SLC24A2: variants seen among roughly 807,000 people sequenced by gnomAD.
SLC24A2 encodes solute carrier family 24 member 2.
SLC24A2 carries 36 observed loss-of-function variants against 62.0 expected under a neutral mutation model. That is an observed-to-expected ratio of 0.58 (90% CI 0.44 to 0.77). The LOEUF (loss-of-function observed/expected upper bound fraction) is 0.77, where lower values mean the gene tolerates loss of function less well. Ranked by LOEUF, SLC24A2 falls within the 30% of genes least tolerant of loss-of-function variation. The probability of loss-of-function intolerance (pLI) is 0.00; values close to 1 mark genes in which losing one functional copy is unlikely to be tolerated. For missense variants in SLC24A2, 846 were observed against 817.9 expected (o/e 1.03, Z -0.42); for synonymous variants, 358 against 294.0 (o/e 1.22, Z -2.23).
the SLC24A2 span, among the ~76,000 whole-genome samples, chr9:19,993,839 T>C: frequency 6.6e-6 from 1 of 152,228 alleles, no homozygotes; most frequent in Non-Finnish European, 1.5e-5. Flanking sequence ...TTGAACTTCA[T>C]GCTAGTGATT....
chr9:19,691,707 A>G (rs1257731104), intron 2 of SLC24A2, among the ~76,000 whole-genome samples: 2 of 152,188 alleles, frequency 1.3e-5, no homozygotes, highest in Admixed American at 6.5e-5. Context: ...GCATATAATC[A>G]TTAAAAATGT....
the SLC24A2 span, among the ~76,000 whole-genome samples, chr9:19,993,425 T>C: frequency 2.6e-5 from 4 of 152,350 alleles, no homozygotes; most frequent in South Asian, 2.1e-4. Context: ...AATGGGCTCA[T>C]GGCTATTTTA....
Position 19,510,870 on chromosome 9 carries a change from AC to A in SLC24A2, c.*5282del, listed in dbSNP as rs1832688665. On this transcript the variant is annotated 3_prime_UTR_variant, in exon 11 of 11. Coordinates refer to ENST00000341998, the MANE Select transcript of SLC24A2 (RefSeq NM_020344.4). ...ATTTTTGCCTCTCGAATGCTGCCTG[AC>A]TTGTGGATTTGCTTGTCCTTTGTAG... 1 of 152,152 alleles carries A rather than the reference AC, an allele frequency of 6.6e-6. No homozygotes were observed. 9.4% of individuals were successfully genotyped at this position (152,152 alleles called of 1,614,324 possible). A position where few individuals can be genotyped will look rare whatever the true frequency, so the allele number is the denominator to read the frequency against.
At chr9:19,559,340 T>C (rs1022011973) in intron 7 of SLC24A2, among the ~76,000 whole-genome samples, 3 of 152,178 alleles carry the variant, frequency 2.0e-5, no homozygotes, top group Admixed American at 6.5e-5. Context: ...TTTAGTGATA[T>C]CAATAATTTC....
At chr9:19,737,711 G>A (rs58029686) in intron 2 of SLC24A2, among the ~76,000 whole-genome samples, 24 of 151,862 alleles carry the variant, frequency 1.6e-4, no homozygotes, top group East Asian at 1.5e-3. Flanking sequence ...AACATTATAC[G>A]TTAAAATTAA....
chr9:20,187,536 C>G, the SLC24A2 span, among the ~76,000 whole-genome samples: 35 of 152,270 alleles, frequency 2.3e-4, no homozygotes, highest in African/African-American at 7.7e-4. Flanking sequence ...TGCAGTCATG[C>G]TTCAATTCTT....
chr9:19,567,690 C>CA (rs113815958), intron 7 of SLC24A2, among the ~76,000 whole-genome samples: 6,942 of 142,440 alleles, frequency 0.049, 256 homozygotes, highest in East Asian at 0.22. Context: ...TTAAAATAAC[C>CA]AAAAAAAAAA....
At chr9:20,202,050 G>GGTGTGTGTGTGTGTGTGTGT in the SLC24A2 span, among the ~76,000 whole-genome samples, 7 of 141,680 alleles carry the variant, frequency 4.9e-5, no homozygotes, top group East Asian at 2.1e-4. Context: ...CCCATTTCAT[G>GGTGTGTGTGTGTGTGTGTGT]GTGTGTGTGT....
At chr9:19,889,870 G>A in the SLC24A2 span, among the ~76,000 whole-genome samples, 4 of 152,078 alleles carry the variant, frequency 2.6e-5, no homozygotes, top group South Asian at 6.2e-4. Flanking sequence ...CATCAATACC[G>A]GTTTTGAAAT....
the SLC24A2 span, among the ~76,000 whole-genome samples, chr9:20,019,265 A>AAGAC: frequency 8.7e-6 from 1 of 114,736 alleles, no homozygotes; most frequent in South Asian, 3.3e-4. Context: ...GAAAGAAAGA[A>AAGAC]AGAAAGAAAG....
At chr9:19,889,910 A>C in the SLC24A2 span, among the ~76,000 whole-genome samples, 1 of 152,196 alleles carries the variant, frequency 6.6e-6, no homozygotes, top group Non-Finnish European at 1.5e-5. Flanking sequence ...CTTTCTACCG[A>C]CTATCTCTTA....
the SLC24A2 span, among the ~76,000 whole-genome samples, chr9:19,857,456 C>T: frequency 3.3e-5 from 5 of 152,194 alleles, no homozygotes; most frequent in African/African-American, 1.2e-4. Context: ...GGCCATTATT[C>T]AGTCTATCAC....
intron 4 of SLC24A2, among the ~76,000 whole-genome samples, chr9:19,602,278 T>C (rs1361648764): frequency 2.0e-5 from 3 of 152,222 alleles, no homozygotes; most frequent in African/African-American, 4.8e-5. Context: ...CTCATACATA[T>C]AGAACCCATC....
the SLC24A2 span, among the ~76,000 whole-genome samples, chr9:20,208,258 T>C: frequency 1.2e-4 from 18 of 152,094 alleles, no homozygotes; most frequent in Non-Finnish European, 7.4e-5. Context: ...GGTAGAAGTC[T>C]TCACAGGAAA....
intron 7 of SLC24A2, among the ~76,000 whole-genome samples, chr9:19,553,961 C>A (rs190120415): frequency 1.1e-3 from 167 of 152,268 alleles, no homozygotes; most frequent in South Asian, 6.4e-3. Flanking sequence ...CCTTCTCCCC[C>A]ACCCAAATTC....
At chr9:19,636,315 T>TTTTCTTTTCTTTTCTTTTCTTTTC in intron 2 of SLC24A2, among the ~76,000 whole-genome samples, 19 of 40,212 alleles carry the variant, frequency 4.7e-4, no homozygotes, top group African/African-American at 8.1e-4. Context: ...TTTTCTTTTC[T>TTTTCTTTTCTTTTCTTTTCTTTTC]TTTCTTTCTT....
chr9:19,884,585 A>G, the SLC24A2 span, among the ~76,000 whole-genome samples: 61,297 of 151,556 alleles, frequency 0.4, 12,889 homozygotes, highest in East Asian at 0.83. Flanking sequence ...ATATATTCCT[A>G]AAATATATTC....
the SLC24A2 span, among the ~76,000 whole-genome samples, chr9:20,074,271 C>G: frequency 6.6e-6 from 1 of 151,866 alleles, no homozygotes; most frequent in South Asian, 2.1e-4. Flanking sequence ...TTCACACCTC[C>G]AGGGAAGCTT....
chr9:19,935,558 G>C, the SLC24A2 span, among the ~76,000 whole-genome samples: 2 of 152,298 alleles, frequency 1.3e-5, no homozygotes, highest in South Asian at 2.1e-4. Flanking sequence ...CTGTCCTGGG[G>C]TGCAAGCTGA....
Sources: gnomAD v4.1 joint callset for allele counts (sites outside exome capture counted in the v4.1 genomes callset) on GRCh38, gnomAD v4.1.1 for gene constraint, MANE v1.5 for transcripts, NCBI Gene and HGNC (gene_info 2026-07-23, HGNC 2026-07-21) for gene names.